Variants in MYO1D observed in about 807,000 individuals in gnomAD.
MYO1D encodes myosin ID, also known as unconventional myosin-Id.
A neutral mutation model predicts 122.0 loss-of-function variants in MYO1D; 83 were observed. The ratio of observed to expected loss-of-function variants is 0.68; its 90% confidence interval spans 0.57 to 0.82. The LOEUF (loss-of-function observed/expected upper bound fraction) is 0.82. Ranked by LOEUF, MYO1D falls within the 40% of genes least tolerant of loss-of-function variation. The pLI, the probability that MYO1D is intolerant of heterozygous loss-of-function variation, is 0.00. For synonymous variants in MYO1D, 464 were observed against 446.9 expected, an observed-to-expected ratio of 1.04 and a Z score of -0.48; for missense variants, 1,157 against 1,269.5, an observed-to-expected ratio of 0.91 and a Z score of 1.35.
chr17:32,670,744 T>G (rs2088705150), intron 16 of MYO1D, among the ~76,000 whole-genome samples: 1 of 152,248 alleles, frequency 6.6e-6, no homozygotes. Flanking sequence ...ACAAACCAAT[T>G]AGCATGCACT....
chr17:32,718,040 T>A (rs2089468069), intron 15 of MYO1D, among the ~76,000 whole-genome samples: 1 of 152,198 alleles, frequency 6.6e-6, no homozygotes, highest in African/African-American at 2.4e-5. Context: ...CCCATCTTTT[T>A]TTCTTTGTGA....
chr17:32,738,340 G>A lies in MYO1D; in HGVS notation c.1659C>T (p.Ser553=). 1 of 1,605,348 alleles carries A rather than the reference G, an allele frequency of 6.2e-7. No individual in the cohort carries two copies. Among genetic ancestry groups the A allele is most frequent in the East Asian group, 2.2e-5 (1 of 44,534 alleles). The change falls in exon 14 of 22, where the codon AGC becomes AGT. Residue 553 remains serine, a synonymous_variant. Coordinates refer to ENST00000318217, the MANE Select transcript of MYO1D (RefSeq NM_015194.3). The part of the protein sequence containing the change: ...LKNMWPEGKL[S]ITEVTKRPLT... ...GAGGTCGCTTGGTCACCTCTGTAAT[G>A]CTCAGTTTGCCTTCAGGCCACATAT...
intron 19 of MYO1D, among the ~76,000 whole-genome samples, chr17:32,651,258 T>A (rs2088383396): frequency 1.3e-5 from 2 of 152,196 alleles, no homozygotes. Context: ...TTGCCTATAA[T>A]CCTTTTGGGT....
At chr17:32,720,979 C>T (rs775470241) in intron 15 of MYO1D, 44 bp downstream of exon 15, 1 of 1,584,088 alleles carries the variant, frequency 6.3e-7, no homozygotes, top group Non-Finnish European at 8.6e-7. Flanking sequence ...GGAGGACTCC[C>T]TTATTCTCAG....
intron 16 of MYO1D, among the ~76,000 whole-genome samples, chr17:32,706,467 T>C (rs902581627): frequency 6.6e-5 from 10 of 152,158 alleles, no homozygotes; most frequent in African/African-American, 1.9e-4. Context: ...GGTTCTCAGA[T>C]ATTAAAATCT....
At chr17:32,723,798 GC>G (rs1567966574) in intron 14 of MYO1D, among the ~76,000 whole-genome samples, 1 of 152,070 alleles carries the variant, frequency 6.6e-6, no homozygotes, top group Non-Finnish European at 1.5e-5. Flanking sequence ...CAGCAGAACT[GC>G]CCAGTCAACC....
chr17:32,521,063 C>T (rs1479415362), intron 21 of MYO1D, among the ~76,000 whole-genome samples: 5 of 152,208 alleles, frequency 3.3e-5, no homozygotes, highest in Non-Finnish European at 7.3e-5. Flanking sequence ...AAGATCAGAC[C>T]TCAGTTTGGA....
In MYO1D at chr17:32,675,360, C is replaced by A. The variant is rs149238687; in HGVS notation, c.2122-16022G>T. 6.6e-3 allele frequency among the ~76,000 whole-genome samples: 1,004 copies of A among 152,234 alleles called. 8 individuals carry two copies. Among genetic ancestry groups the A allele is most frequent in the Non-Finnish European group, 9.2e-3 (628 of 67,984 alleles). On this transcript the variant is annotated intron_variant, in intron 16 of 21. Coordinates refer to ENST00000318217, the MANE Select transcript of MYO1D (RefSeq NM_015194.3). ...AATTAATTAATCATGTTACATTCAA[C>A]TTGTACATATAACTGTAACTATCTA... is the stretch of plus-strand genomic sequence containing the variant.
chr17:32,844,279 A>G (rs937280889), intron 1 of MYO1D, among the ~76,000 whole-genome samples: 2 of 146,904 alleles, frequency 1.4e-5, no homozygotes, highest in African/African-American at 2.5e-5. Flanking sequence ...CATATATGAT[A>G]TATATATCAT....
intron 13 of MYO1D, among the ~76,000 whole-genome samples, chr17:32,743,622 A>G (rs1047542163): frequency 2.0e-5 from 3 of 149,044 alleles, no homozygotes; most frequent in Admixed American, 2.0e-4. Context: ...TGTTATTATT[A>G]TTATTATTAT....
In MYO1D at chr17:32,659,246, C is replaced by T. The variant is rs751335872; in HGVS notation, c.2214G>A (p.Ser738=). The T allele has an allele frequency of 8.7e-6, 14 of 1,614,196 alleles. No individual in the cohort carries two copies. The highest frequency in any genetic ancestry group is 1.7e-5 in the Admixed American group (1 of 60,018). Residue 738 remains serine, a synonymous_variant, in exon 17 of 22, where the codon TCG becomes TCA. Coordinates refer to ENST00000318217, the MANE Select transcript of MYO1D (RefSeq NM_015194.3). ...IRYYRRYKVK[S]YIHEVARRFH... is the part of the protein sequence containing the mutation. ...AGCGTCTGGCCACCTCGTGGATGTACGACTTCACTTTGTAGCGCCGGTAGT... is the reference window on the plus strand; with the variant it reads ...AGCGTCTGGCCACCTCGTGGATGTATGACTTCACTTTGTAGCGCCGGTAGT...
chr17:32,771,816 CTT>C (rs956813261), intron 5 of MYO1D, among the ~76,000 whole-genome samples: 6 of 152,162 alleles, frequency 3.9e-5, no homozygotes, highest in Non-Finnish European at 8.8e-5. Flanking sequence ...AAACAGAACT[CTT>C]TTATATTTGG....
Position 32,813,013 on chromosome 17 carries a change from C to G in MYO1D, c.96-32229G>C, listed in dbSNP as rs73283730. The stretch of plus-strand genomic sequence containing the variant: ...CCACACCCATCATCCAATCCATTGG[C>G]AAATCTTGTTAGTTCAATCTTCAAC... On this transcript the variant is annotated intron_variant, in intron 1 of 21. Coordinates refer to ENST00000318217, the MANE Select transcript of MYO1D (RefSeq NM_015194.3). Among the ~76,000 whole-genome samples the G allele has an allele frequency of 2.4e-3, 366 of 152,294 alleles. 1 individual carries two copies. Among genetic ancestry groups the G allele is most frequent in the African/African-American group, 8.3e-3 (345 of 41,568 alleles).
chr17:32,707,606 T>C (rs1257932386), intron 16 of MYO1D, among the ~76,000 whole-genome samples: 1 of 152,228 alleles, frequency 6.6e-6, no homozygotes, highest in Non-Finnish European at 1.5e-5. Flanking sequence ...GAGACTACTA[T>C]GCTTACAGTG....
rs140288053 is a variant in MYO1D at position 32,747,576 on chromosome 17, A to G, written c.1538+1360T>C. ...GAGCGGCCAGGCTCGGTGGCTCATG[A>G]CTGTAATCCTAGCACTTTGGGAGGC... On this transcript the variant is annotated intron_variant, in intron 12 of 21. Coordinates refer to ENST00000318217, the MANE Select transcript of MYO1D (RefSeq NM_015194.3). Among the ~76,000 whole-genome samples the G allele has an allele frequency of 4.8e-3, 731 of 152,190 alleles. 10 individuals carry two copies. Among genetic ancestry groups the G allele is most frequent in the African/African-American group, 0.014 (591 of 41,542 alleles).
intron 11 of MYO1D, among the ~76,000 whole-genome samples, chr17:32,752,812 G>A (rs1238596585): frequency 6.6e-6 from 1 of 152,124 alleles, no homozygotes; most frequent in African/African-American, 2.4e-5. Context: ...ATACATTGTT[G>A]GTGGGAATGT....
intron 2 of MYO1D, among the ~76,000 whole-genome samples, chr17:32,779,063 C>T (rs1283235519): frequency 3.3e-5 from 5 of 152,172 alleles, no homozygotes; most frequent in African/African-American, 1.2e-4. Context: ...CAGCAAGCTC[C>T]AGACACAAGG....
intron 21 of MYO1D, among the ~76,000 whole-genome samples, chr17:32,552,410 A>C (rs909517656): frequency 6.8e-6 from 1 of 146,626 alleles, no homozygotes; most frequent in East Asian, 1.9e-4. Context: ...TAATCCATCC[A>C]TCCATCCACC....
intron 20 of MYO1D, among the ~76,000 whole-genome samples, chr17:32,608,298 C>T (rs1455160850): frequency 6.6e-6 from 1 of 152,058 alleles, no homozygotes; most frequent in Non-Finnish European, 1.5e-5. Context: ...GTAAACAACT[C>T]AATTAAAAAT....
Sources: gnomAD v4.1 joint callset for allele counts (sites outside exome capture counted in the v4.1 genomes callset) on GRCh38, gnomAD v4.1.1 for gene constraint, MANE v1.5 for transcripts, NCBI Gene and HGNC (gene_info 2026-07-23, HGNC 2026-07-21) for gene names.